LDB3: variants seen among roughly 807,000 people sequenced by gnomAD.
LDB3 encodes LIM domain binding 3.
A neutral mutation model predicts 69.0 loss-of-function variants in LDB3; 49 were observed. That is an observed-to-expected ratio of 0.71 (90% CI 0.56 to 0.90). The LOEUF (loss-of-function observed/expected upper bound fraction) is 0.90, where lower values mean the gene tolerates loss of function less well. Ranked by LOEUF, LDB3 falls within the 40% of genes least tolerant of loss-of-function variation. The pLI, the probability that LDB3 is intolerant of heterozygous loss-of-function variation, is 0.00. For synonymous variants in LDB3, 387 were observed against 396.2 expected, an observed-to-expected ratio of 0.98 and a Z score of 0.28; for missense variants, 928 against 974.1, an observed-to-expected ratio of 0.95 and a Z score of 0.63.
chr10:86,699,720 A>G lies in LDB3; in HGVS notation c.897-6811A>G. ...AACACCCCAGAACCAAGGGAAATGG[A>G]TGGGCCGCTGCTCAGTTTCCCACCA... is the stretch of plus-strand genomic sequence containing the variant. On this transcript the variant is annotated intron_variant, in intron 7 of 13. Coordinates refer to ENST00000361373, the MANE Select transcript of LDB3 (RefSeq NM_007078.3). The surrounding 1 kb of genome is among the most constrained non-coding windows in gnomAD (Gnocchi z 4.9). The G allele has an allele frequency of 8.7e-7, 1 of 1,148,480 alleles. No individual in the cohort carries two copies. The highest frequency in any genetic ancestry group is 1.1e-6 in the Non-Finnish European group (1 of 924,348). 71.1% of individuals were successfully genotyped at this position (1,148,480 alleles called of 1,614,324 possible). A position where few individuals can be genotyped will look rare whatever the true frequency, so the allele number is the denominator to read the frequency against.
intron 7 of LDB3, among the ~76,000 whole-genome samples, chr10:86,701,160 G>A (rs1257320126): frequency 6.6e-6 from 1 of 152,240 alleles, no homozygotes; most frequent in East Asian, 1.9e-4. Flanking sequence ...GCCCGGGCCA[G>A]GCAGCCTTCA....
intron 2 of LDB3, among the ~76,000 whole-genome samples, chr10:86,674,220 C>T (rs539061101): frequency 6.6e-6 from 1 of 152,350 alleles, no homozygotes; most frequent in African/African-American, 2.4e-5. Context: ...GCTCTGCACC[C>T]TCCTTACATA....
intron 10 of LDB3, 147 bp downstream of exon 10, chr10:86,716,918 G>T: frequency 2.4e-6 from 2 of 845,018 alleles, no homozygotes; most frequent in Non-Finnish European, 1.9e-6. Flanking sequence ...TTGCCATCTG[G>T]TCTTACCTCT....
chr10:86,697,811 C>G (rs1846078621), intron 7 of LDB3, among the ~76,000 whole-genome samples: 1 of 151,770 alleles, frequency 6.6e-6, no homozygotes, highest in African/African-American at 2.4e-5. Context: ...CTCAGCCTCC[C>G]AAAGTTCTGG....
At chr10:86,711,911 C>A (rs1216427109) in intron 9 of LDB3, among the ~76,000 whole-genome samples, 1 of 151,962 alleles carries the variant, frequency 6.6e-6, no homozygotes, top group Non-Finnish European at 1.5e-5. Context: ...TATCCCCGAG[C>A]CCGCCGAGTG....
chr10:86,678,005 G>A (rs577804089), intron 2 of LDB3, among the ~76,000 whole-genome samples: 8 of 152,054 alleles, frequency 5.3e-5, no homozygotes, highest in Non-Finnish European at 8.8e-5. Context: ...GTTATAAGAG[G>A]CTAATCAAGG....
chr10:86,709,002 C>A (rs1846543227), intron 8 of LDB3, among the ~76,000 whole-genome samples: 1 of 152,210 alleles, frequency 6.6e-6, no homozygotes, highest in South Asian at 2.1e-4. Context: ...GCACCTCTAG[C>A]AATAACCCAT....
chr10:86,666,888 C>T (rs1294663119), upstream of LDB3: 4 of 469,058 alleles, frequency 8.5e-6, no homozygotes, highest in Admixed American at 9.4e-5. Flanking sequence ...AGGGTGGGTG[C>T]CTTCCTTCTC....
intron 9 of LDB3, among the ~76,000 whole-genome samples, chr10:86,710,545 T>G (rs1207253614): frequency 6.6e-6 from 1 of 152,216 alleles, no homozygotes. Context: ...ACTGCACCAT[T>G]GCACTCCAGC....
At chr10:86,730,473 CA>C (rs1381870585) in intron 13 of LDB3, among the ~76,000 whole-genome samples, 1 of 152,202 alleles carries the variant, frequency 6.6e-6, no homozygotes, top group Non-Finnish European at 1.5e-5. Context: ...AGTAGTCCAG[CA>C]AACTCAGAGG....
chr10:86,681,895 G>A (rs1589624161), intron 5 of LDB3, 92 bp downstream of exon 5: 2 of 1,333,284 alleles, frequency 1.5e-6, no homozygotes, highest in South Asian at 2.9e-5. Context: ...TCAGAGCGAG[G>A]CACTGGCCCC....
At position 86,732,003 on chromosome 10, in the gene LDB3, C is replaced by CTTTTTT. The variant is rs755552822; in HGVS notation, c.2095-879_2095-878insTTTTTT. On this transcript the variant is annotated intron_variant, in intron 13 of 13. Transcript: ENST00000361373. ...TTAACTAATTTTCTTTTCTTTCTTT[C>CTTTTTT]TTTTTCTTTTTTTTTTTTTTTGGTA... 1.4e-4 allele frequency among the ~76,000 whole-genome samples: 17 copies of CTTTTTT among 123,218 alleles called. 2 individuals carry two copies. Among genetic ancestry groups the CTTTTTT allele is most frequent in the African/African-American group, 2.9e-4 (9 of 31,302 alleles). 80.8% of individuals were successfully genotyped at this position (123,218 alleles called of 152,430 possible).
intron 7 of LDB3, among the ~76,000 whole-genome samples, chr10:86,693,859 G>A (rs1334988515): frequency 1.3e-5 from 2 of 152,186 alleles, no homozygotes; most frequent in African/African-American, 2.4e-5. Context: ...GCTTCAGTGT[G>A]CAATGCAGAT....
chr10:86,708,551 C>T (rs1390373419), intron 8 of LDB3, among the ~76,000 whole-genome samples: 3 of 152,190 alleles, frequency 2.0e-5, no homozygotes, highest in Non-Finnish European at 4.4e-5. Context: ...CCGCCCCCAT[C>T]ACTATGGAAG....
chr10:86,688,560 C>T (rs1157703641), intron 5 of LDB3, among the ~76,000 whole-genome samples: 1 of 152,162 alleles, frequency 6.6e-6, no homozygotes. Flanking sequence ...TGCTGCTCTT[C>T]GCCTAATTCT....
intron 8 of LDB3, among the ~76,000 whole-genome samples, chr10:86,709,369 T>A (rs1434879809): frequency 2.6e-5 from 4 of 151,368 alleles, no homozygotes; most frequent in African/African-American, 9.7e-5. Context: ...GCAGAAGAGG[T>A]GTGTGTTGGG....
chr10:86,693,313 T>C (rs1845857995), intron 7 of LDB3, among the ~76,000 whole-genome samples: 1 of 152,172 alleles, frequency 6.6e-6, no homozygotes. Context: ...ATTGTGATTG[T>C]ATGTACACTT....
chr10:86,719,070 G>A (rs974860729), intron 12 of LDB3, among the ~76,000 whole-genome samples: 3 of 152,198 alleles, frequency 2.0e-5, no homozygotes, highest in African/African-American at 7.2e-5. Context: ...TGGGGAGAGT[G>A]AGGTGCAGAG....
At chr10:86,681,990 C>A (rs1288514914) in intron 5 of LDB3, among the ~76,000 whole-genome samples, 187 bp downstream of exon 5, 1 of 152,216 alleles carries the variant, frequency 6.6e-6, no homozygotes, top group Non-Finnish European at 1.5e-5. Flanking sequence ...TTTATACAAC[C>A]AACCACGCTG....
Sources: allele counts gnomAD v4.1 joint callset (sites outside exome capture counted in the v4.1 genomes callset), GRCh38; gene constraint gnomAD v4.1.1; non-coding constraint Gnocchi (gnomAD v3.1); transcripts MANE v1.5; gene names NCBI Gene and HGNC (gene_info 2026-07-23, HGNC 2026-07-21).